The following TMCO1 variants were observed in gnomAD, a reference collection of about 807,000 sequenced individuals.
TMCO1 encodes calcium load-activated calcium channel.
In TMCO1, 29 loss-of-function variants were observed where a neutral mutation model predicts 29.3. That is an observed-to-expected ratio of 0.99 (90% CI 0.74 to 1.35). The LOEUF (loss-of-function observed/expected upper bound fraction) is 1.35, where lower values mean the gene tolerates loss of function less well. Ranked by LOEUF, TMCO1 falls within the 40% of genes most tolerant of loss-of-function variation. The pLI, the probability that TMCO1 is intolerant of heterozygous loss-of-function variation, is 0.00. For missense variants in TMCO1, 173 were observed against 225.5 expected (o/e 0.77, Z 1.49); for synonymous variants, 80 against 77.1 (o/e 1.04, Z -0.20).
Position 165,727,447 on chromosome 1 carries a change from G to A in TMCO1, c.*576C>T, listed in dbSNP as rs1055610208. The stretch of plus-strand genomic sequence containing the variant: ...TGAGTCAAGTATGGCAAAAAGTACA[G>A]TACCTTAAAAACTTTTATTTTAGTC... On this transcript the variant is annotated 3_prime_UTR_variant, in exon 7 of 7. Transcript: ENST00000367881. The A allele has an allele frequency of 1.3e-5, 6 of 453,640 alleles. No individual in the cohort carries two copies. Among genetic ancestry groups the A allele is most frequent in the African/African-American group, 2.0e-5 (1 of 49,892 alleles). 28.1% of individuals were successfully genotyped at this position (453,640 alleles called of 1,614,324 possible).
At chr1:165,754,092 G>T (rs1652098833) in intron 4 of TMCO1, 136 bp downstream of exon 4, 3 of 724,940 alleles carry the variant, frequency 4.1e-6, no homozygotes, top group Non-Finnish European at 2.4e-6. Flanking sequence ...TTTGGTCCAG[G>T]AACACCCATG....
intron 3 of TMCO1, among the ~76,000 whole-genome samples, chr1:165,758,721 A>G (rs1409895591): frequency 6.6e-6 from 1 of 152,186 alleles, no homozygotes; most frequent in Non-Finnish European, 1.5e-5. Context: ...TGTTAGGAGT[A>G]ACTGACACAT....
At chr1:165,725,748 C>T (rs148656108), downstream of TMCO1, 829 of 454,738 alleles carry the variant, frequency 1.8e-3, 1 homozygote, top group Non-Finnish European at 2.4e-3. Context: ...AATTGTGAGG[C>T]TGCAGTAGCC....
chr1:165,726,623 T>C (rs147574748), downstream of TMCO1: 1,147 of 455,690 alleles, frequency 2.5e-3, 21 homozygotes, highest in African/African-American at 0.017. Context: ...TAGGGCTGTC[T>C]TGGGATAATC....
rs1237525530 is a variant in TMCO1 at position 165,762,018 on chromosome 1, G to A, written c.149-2434C>T. Reference sequence around the variant, plus strand: ...ATAAGGATAACATTTTTATTAAAATGTTATAAGGATAACATTTTTATTAAA... The same window carrying A: ...ATAAGGATAACATTTTTATTAAAATATTATAAGGATAACATTTTTATTAAA... On this transcript the variant is annotated intron_variant, in intron 2 of 6. Transcript: ENST00000367881. Among the ~76,000 whole-genome samples, 3 of 1,904 alleles carry A rather than the reference G, an allele frequency of 1.6e-3. 1 individual carries two copies. Among genetic ancestry groups the A allele is most frequent in the African/African-American group, 0.013 (3 of 232 alleles). 1.2% of individuals were successfully genotyped at this position (1,904 alleles called of 152,430 possible). A position where few individuals can be genotyped will look rare whatever the true frequency, so the allele number is the denominator to read the frequency against.
chr1:165,727,378 G>C lies in TMCO1; in HGVS notation c.*645C>G. 1 of 453,610 alleles carries C rather than the reference G, an allele frequency of 2.2e-6. No homozygotes were observed. Among genetic ancestry groups the C allele is most frequent in the African/African-American group, 2.0e-5 (1 of 49,916 alleles). The allele number at this position is 453,610 out of a possible 1,614,324, so 28.1% of individuals were successfully genotyped here. A position where few individuals can be genotyped will look rare whatever the true frequency, so the allele number is the denominator to read the frequency against. On this transcript the variant is annotated 3_prime_UTR_variant, in exon 7 of 7. Transcript: ENST00000367881. The stretch of plus-strand genomic sequence containing the variant: ...AGTTATTACGTTCCTTTCCACTCTT[G>C]CTTTCCAATTCCTACACCAAGACAA...
At chr1:165,740,097 G>A (rs1399080622) in intron 6 of TMCO1, among the ~76,000 whole-genome samples, 1 of 152,074 alleles carries the variant, frequency 6.6e-6, no homozygotes, top group African/African-American at 2.4e-5. Context: ...GGGTGATGGA[G>A]TGAGATTCTG....
At chr1:165,736,749 A>T (rs1187078544) in intron 6 of TMCO1, among the ~76,000 whole-genome samples, 1 of 152,124 alleles carries the variant, frequency 6.6e-6, no homozygotes, top group Non-Finnish European at 1.5e-5. Context: ...AAACAAAAAA[A>T]AGAGAACAGG....
At chr1:165,744,477 T>G (rs1410266959) in intron 5 of TMCO1, among the ~76,000 whole-genome samples, 1 of 152,028 alleles carries the variant, frequency 6.6e-6, no homozygotes, top group Admixed American at 6.6e-5. Flanking sequence ...AGGAGAGAAG[T>G]TATGTGTTAA....
At chr1:165,768,036 G>A (rs1406891424) in intron 2 of TMCO1, among the ~76,000 whole-genome samples, 156 bp downstream of exon 2, 1 of 152,188 alleles carries the variant, frequency 6.6e-6, no homozygotes, top group East Asian at 1.9e-4. Context: ...CCCTCTAGTT[G>A]GTATTACACA....
At chr1:165,743,116 T>TA in intron 6 of TMCO1, 51 bp downstream of exon 6, 1 of 1,603,340 alleles carries the variant, frequency 6.2e-7, no homozygotes, top group Admixed American at 1.7e-5. Flanking sequence ...AGCTAATTGG[T>TA]ATGACAGCAA....
intron 4 of TMCO1, among the ~76,000 whole-genome samples, chr1:165,753,557 G>A (rs549633555): frequency 2.0e-5 from 3 of 151,804 alleles, no homozygotes; most frequent in East Asian, 3.9e-4. Flanking sequence ...GGCTGGGGCT[G>A]GAGGATCCAT....
intron 4 of TMCO1, 47 bp from the exon 5 acceptor site, chr1:165,752,216 A>G: frequency 7.0e-7 from 1 of 1,425,448 alleles, no homozygotes; most frequent in East Asian, 2.3e-5. Flanking sequence ...AAAAAAACAC[A>G]TCTAAAGCAT....
At chr1:165,734,465 C>T (rs1651290235) in intron 6 of TMCO1, among the ~76,000 whole-genome samples, 1 of 131,746 alleles carries the variant, frequency 7.6e-6, no homozygotes, top group Non-Finnish European at 1.7e-5. Context: ...CCTTTAATAA[C>T]TCTTTTATTT....
At chr1:165,746,857 A>T (rs1651817716) in intron 5 of TMCO1, among the ~76,000 whole-genome samples, 1 of 152,232 alleles carries the variant, frequency 6.6e-6, no homozygotes, top group Non-Finnish European at 1.5e-5. Context: ...TTTGGAAAAG[A>T]TGACAATATT....
At chr1:165,754,343 C>T (rs369789239) in intron 3 of TMCO1, 69 bp from the exon 4 acceptor site, 1 of 1,265,008 alleles carries the variant, frequency 7.9e-7, no homozygotes, top group African/African-American at 1.5e-5. Flanking sequence ...AATAAACTGT[C>T]ACTGATTGGT....
Position 165,766,241 on chromosome 1 carries a change from A to G in TMCO1, c.148+1951T>C, listed in dbSNP as rs1180626469. 3.9e-5 allele frequency among the ~76,000 whole-genome samples: 6 copies of G among 152,338 alleles called. No homozygotes were observed. The East Asian group carries it at 1.2e-3, about 29-fold the overall frequency. On this transcript the variant is annotated intron_variant, in intron 2 of 6. Transcript: ENST00000367881. ...TGACACAGGCTTAGACATGAGGAAC[A>G]AGTATTCAATTTGGGACGTGTTGGG... is the stretch of plus-strand genomic sequence containing the variant.
chr1:165,755,663 A>G (rs978468417), intron 3 of TMCO1, among the ~76,000 whole-genome samples: 1 of 152,230 alleles, frequency 6.6e-6, no homozygotes, highest in Non-Finnish European at 1.5e-5. Context: ...TTCAAAAACA[A>G]AAACAAAAGC....
chr1:165,758,491 G>A (rs955668434), intron 3 of TMCO1, among the ~76,000 whole-genome samples: 2 of 150,134 alleles, frequency 1.3e-5, no homozygotes, highest in Non-Finnish European at 3.0e-5. Context: ...GGGAGGCAGA[G>A]GTTGCAGTGA....
Sources: gnomAD v4.1 joint callset for allele counts (sites outside exome capture counted in the v4.1 genomes callset) on GRCh38, gnomAD v4.1.1 for gene constraint, MANE v1.5 for transcripts, NCBI Gene and HGNC (gene_info 2026-07-23, HGNC 2026-07-21) for gene names.